PEAK1: variants seen among roughly 807,000 people sequenced by gnomAD.
PEAK1 encodes inactive tyrosine-protein kinase PEAK1.
In PEAK1, 54 loss-of-function variants were observed where a neutral mutation model predicts 124.7. The ratio of observed to expected loss-of-function variants is 0.43; its 90% CI spans 0.35 to 0.54. The LOEUF is 0.54. Ranked by LOEUF, PEAK1 falls within the 20% of genes least tolerant of loss-of-function variation. The pLI, the probability that PEAK1 is intolerant of heterozygous loss-of-function variation, is 0.01. For missense variants in PEAK1, 2,046 were observed against 2,134.5 expected (o/e 0.96, Z 0.82); for synonymous variants, 719 against 760.0 (o/e 0.95, Z 0.89).
At chr15:77,285,757 T>C (rs2062895326) in intron 3 of PEAK1, among the ~76,000 whole-genome samples, 1 of 152,146 alleles carries the variant, frequency 6.6e-6, no homozygotes, top group African/African-American at 2.4e-5. Context: ...TCTCTTTTCT[T>C]CATTAGTCTG....
intron 1 of PEAK1, chr15:77,419,092 C>T (rs1456558081): frequency 1.0e-6 from 1 of 985,260 alleles, no homozygotes; most frequent in Non-Finnish European, 1.2e-6. Context: ...ATCACTACCC[C>T]CTCAACGTCA....
intron 2 of PEAK1, among the ~76,000 whole-genome samples, chr15:77,288,110 A>C (rs547159194): frequency 6.6e-6 from 1 of 152,144 alleles, no homozygotes; most frequent in African/African-American, 2.4e-5. Flanking sequence ...ATCAAGCACT[A>C]TATCAAACCC....
At chr15:77,199,047 C>CGACT (rs2058239245) in intron 6 of PEAK1, among the ~76,000 whole-genome samples, 1 of 152,064 alleles carries the variant, frequency 6.6e-6, no homozygotes, top group African/African-American at 2.4e-5. Flanking sequence ...TAGGCTAACT[C>CGACT]GACTGTTTTG....
intron 6 of PEAK1, among the ~76,000 whole-genome samples, chr15:77,191,526 T>C (rs1442254148): frequency 1.3e-5 from 2 of 152,180 alleles, no homozygotes; most frequent in Admixed American, 6.5e-5. Flanking sequence ...TTTAGCTGCC[T>C]TGTAAACCTG....
intron 4 of PEAK1, 67 bp downstream of exon 4, chr15:77,284,891 A>AAC (rs72078461): frequency 0.048 from 6,769 of 139,876 alleles, 287 homozygotes; most frequent in African/African-American, 0.11. Flanking sequence ...TCTCTACTAA[A>AAC]ACACACACAC....
chr15:77,208,126 G>C (rs2058748274), intron 6 of PEAK1, among the ~76,000 whole-genome samples: 1 of 152,144 alleles, frequency 6.6e-6, no homozygotes, highest in Non-Finnish European at 1.5e-5. Flanking sequence ...TATCTTTACA[G>C]CTACTATATA....
intron 2 of PEAK1, among the ~76,000 whole-genome samples, chr15:77,358,016 TA>T (rs1030690742): frequency 5.3e-4 from 80 of 152,314 alleles, no homozygotes; most frequent in Middle Eastern, 3.4e-3. Context: ...CTATATTTCC[TA>T]ATTCACATCC....
intron 2 of PEAK1, among the ~76,000 whole-genome samples, chr15:77,301,424 C>T (rs374854370): frequency 6.6e-6 from 1 of 152,198 alleles, no homozygotes; most frequent in Non-Finnish European, 1.5e-5. Context: ...AATAAGATCA[C>T]GTTCACAAGT....
Position 77,401,882 on chromosome 15 carries a change from C to T in PEAK1, c.-666+18124G>A, listed in dbSNP as rs1035928665. 5 of 985,074 alleles carry T rather than the reference C, an allele frequency of 5.1e-6. No homozygotes were observed. The African/African-American group carries it at 8.7e-5, about 17-fold the overall frequency. 61.0% of individuals were successfully genotyped at this position (985,074 alleles called of 1,614,324 possible). On this transcript the variant is annotated intron_variant, in intron 1 of 9. Transcript: ENST00000682557. ...TTTCTATGCTAAGAATGGGCAGAAG[C>T]AAGATACAGAAGTAGCAAGACTAAA...
intron 5 of PEAK1, among the ~76,000 whole-genome samples, chr15:77,277,787 G>A (rs2062414028): frequency 6.6e-6 from 1 of 152,128 alleles, no homozygotes; most frequent in South Asian, 2.1e-4. Context: ...CCAACTATAT[G>A]ACATTCTGAA....
intron 1 of PEAK1, among the ~76,000 whole-genome samples, chr15:77,391,002 T>C (rs2070404632): frequency 6.6e-6 from 1 of 152,076 alleles, no homozygotes. Context: ...ACTGTGAGGG[T>C]GCACTGTCCC....
At chr15:77,371,813 G>A (rs879543455) in intron 1 of PEAK1, among the ~76,000 whole-genome samples, 5 of 152,218 alleles carry the variant, frequency 3.3e-5, no homozygotes, top group Non-Finnish European at 5.9e-5. Context: ...GCTTGAAGGA[G>A]GTGGAGGTTG....
At chr15:77,245,686 CG>C (rs1185589147) in intron 6 of PEAK1, among the ~76,000 whole-genome samples, 3 of 151,922 alleles carry the variant, frequency 2.0e-5, no homozygotes, top group Admixed American at 6.6e-5. Flanking sequence ...CCTGGGAAAC[CG>C]AGTGAGACTC....
At chr15:77,381,476 CA>C in intron 1 of PEAK1, 1 of 966,546 alleles carries the variant, frequency 1.0e-6, no homozygotes, top group East Asian at 1.2e-4. Context: ...GCTCTAAGAA[CA>C]GTAAAGAAGA....
intron 5 of PEAK1, among the ~76,000 whole-genome samples, chr15:77,283,383 A>G (rs552647145): frequency 2.0e-5 from 3 of 152,286 alleles, no homozygotes; most frequent in East Asian, 1.9e-4. Flanking sequence ...TCAAATTTTC[A>G]TATCTGCAGA....
chr15:77,142,834 G>A (rs757790599), intron 8 of PEAK1, among the ~76,000 whole-genome samples: 4 of 152,138 alleles, frequency 2.6e-5, no homozygotes, highest in Non-Finnish European at 5.9e-5. Flanking sequence ...CTGGGGGAAG[G>A]GGAGAATGGA....
At chr15:77,131,637 A>T (rs1174640175) in intron 9 of PEAK1, among the ~76,000 whole-genome samples, 1 of 152,250 alleles carries the variant, frequency 6.6e-6, no homozygotes, top group Non-Finnish European at 1.5e-5. Flanking sequence ...CATAAAGTTG[A>T]TGTGAAGATT....
At chr15:77,161,024 C>T (rs2055589559) in intron 7 of PEAK1, among the ~76,000 whole-genome samples, 1 of 152,178 alleles carries the variant, frequency 6.6e-6, no homozygotes, top group South Asian at 2.1e-4. Flanking sequence ...GGGCCCGCTG[C>T]ACATGTGTAC....
intron 2 of PEAK1, among the ~76,000 whole-genome samples, chr15:77,290,664 C>T (rs2063167416): frequency 6.6e-6 from 1 of 152,158 alleles, no homozygotes; most frequent in Admixed American, 6.5e-5. Context: ...ATCCTCCCGC[C>T]TCAGCCTCTC....
Sources: allele counts gnomAD v4.1 joint callset (sites outside exome capture counted in the v4.1 genomes callset), GRCh38; gene constraint gnomAD v4.1.1; transcripts MANE v1.5; gene names NCBI Gene and HGNC (gene_info 2026-07-23, HGNC 2026-07-21).